The following SECISBP2 variants were observed in gnomAD, a reference collection of about 807,000 sequenced individuals.
SECISBP2 encodes the protein SECIS binding protein 2, also known as selenocysteine insertion sequence-binding protein 2.
A neutral mutation model predicts 98.2 loss-of-function variants in SECISBP2; 96 were observed. The observed-to-expected ratio is 0.98, with a 90% confidence interval of 0.83 to 1.16. The LOEUF is 1.16. SECISBP2 is among the 50% of genes most tolerant of loss of function. The probability of loss-of-function intolerance (pLI) is 0.00; values close to 1 mark genes in which losing one functional copy is unlikely to be tolerated. For missense variants in SECISBP2, 1,046 were observed against 1,022.9 expected (o/e 1.02, Z -0.31); for synonymous variants, 407 against 370.2 (o/e 1.10, Z -1.14).
At chr9:89,322,100 C>T (rs1825916101) in intron 2 of SECISBP2, 1 of 152,192 alleles carries the variant, frequency 6.6e-6, no homozygotes, top group African/African-American at 2.4e-5. Context: ...ACAGTGCACT[C>T]AAAGATGCTC....
intron 2 of SECISBP2, among the ~76,000 whole-genome samples, chr9:89,320,866 C>G (rs1330474607): frequency 6.6e-6 from 1 of 152,118 alleles, no homozygotes; most frequent in Non-Finnish European, 1.5e-5. Context: ...TCTAAGAATC[C>G]TAATGCTTTT....
intron 14 of SECISBP2, chr9:89,354,907 G>A (rs1296569594): frequency 2.0e-6 from 2 of 985,304 alleles, no homozygotes; most frequent in East Asian, 2.3e-4. Context: ...TTCACTGTAA[G>A]TATACCTCAG....
chr9:89,352,796 T>C (rs1831481078), intron 14 of SECISBP2, among the ~76,000 whole-genome samples: 1 of 152,178 alleles, frequency 6.6e-6, no homozygotes, highest in East Asian at 1.9e-4. Flanking sequence ...ACTTCTGATA[T>C]TATTTTTATT....
chr9:89,341,773 C>T lies in SECISBP2; in HGVS notation c.1435+294C>T, dbSNP rs191440561. 1.1e-4 allele frequency among the ~76,000 whole-genome samples: 17 copies of T among 152,308 alleles called. No homozygotes were observed. In the East Asian group the frequency reaches 3.3e-3, roughly 29 times the overall value. On this transcript the variant is annotated intron_variant, in intron 10 of 16. Coordinates refer to ENST00000375807, the MANE Select transcript of SECISBP2 (RefSeq NM_024077.5). ...CACATGCTAAAGAATAGTCATACCT[C>T]CTACCTCACACCATAGATCCAAATG...
At chr9:89,327,950 C>G (rs1466295064) in intron 4 of SECISBP2, among the ~76,000 whole-genome samples, 1 of 152,000 alleles carries the variant, frequency 6.6e-6, no homozygotes, top group African/African-American at 2.4e-5. Context: ...AGCTAGGGGG[C>G]ATGCGCCCCC....
intron 5 of SECISBP2, among the ~76,000 whole-genome samples, chr9:89,332,406 G>C (rs1413263825): frequency 6.6e-6 from 1 of 152,206 alleles, no homozygotes; most frequent in African/African-American, 2.4e-5. Flanking sequence ...ATAATGATGT[G>C]TGTCTACCAT....
At chr9:89,328,478 TG>T (rs1827158114) in intron 4 of SECISBP2, among the ~76,000 whole-genome samples, 181 bp from the exon 5 acceptor site, 1 of 152,238 alleles carries the variant, frequency 6.6e-6, no homozygotes, top group African/African-American at 2.4e-5. Flanking sequence ...TTGATACTTA[TG>T]GTCATTTAAA....
At chr9:89,340,774 C>T (rs997793239) in intron 9 of SECISBP2, among the ~76,000 whole-genome samples, 1 of 152,180 alleles carries the variant, frequency 6.6e-6, no homozygotes, top group African/African-American at 2.4e-5. Flanking sequence ...CAGGACATAC[C>T]ACTGGGCTTC....
Position 89,358,725 on chromosome 9 carries a change from AATCTGGAAAAAAC to A in SECISBP2, c.2475_2487del (p.Lys826HisfsTer9), listed in dbSNP as rs1564460800. ...CGTGCTGTTTTCTCATTTTAGTTGA[AATCTGGAAAAAAC>A]ATCTGGAAGCATACAGTGGATGTAC... On this transcript the variant is annotated frameshift_variant, in exon 17 of 17. Transcript: ENST00000375807. LOFTEE classifies it high-confidence loss of function. The A allele has an allele frequency of 2.5e-6, 4 of 1,610,644 alleles. No homozygotes were observed. Among genetic ancestry groups the A allele is most frequent in the Non-Finnish European group, 3.4e-6 (4 of 1,176,790 alleles).
At chr9:89,325,704 C>T (rs767393276) in intron 3 of SECISBP2, 28 bp downstream of exon 3, 1 of 1,613,686 alleles carries the variant, frequency 6.2e-7, no homozygotes, top group Non-Finnish European at 8.5e-7. Context: ...TTTGTTGTGT[C>T]CTTTAGTTGG....
At chr9:89,336,468 C>T (rs541981430) in intron 7 of SECISBP2, among the ~76,000 whole-genome samples, 102 of 151,964 alleles carry the variant, frequency 6.7e-4, no homozygotes, top group African/African-American at 1.9e-3. Context: ...CCTTGTTTAG[C>T]GTAATGGTTT....
At position 89,350,633 on chromosome 9, in the gene SECISBP2, T is replaced by G; in HGVS notation, c.1894T>G (p.Tyr632Asp). 1 of 1,613,778 alleles carries G rather than the reference T, an allele frequency of 6.2e-7. No individual in the cohort carries two copies. Among genetic ancestry groups the G allele is most frequent in the Non-Finnish European group, 8.5e-7 (1 of 1,179,662 alleles). Residue 632 changes from tyrosine to aspartate, a missense_variant and splice_region_variant, in exon 14 of 17, where the codon TAC becomes GAC. Tyr to Asp is a radical substitution (Grantham distance 160). Coordinates refer to ENST00000375807, the MANE Select transcript of SECISBP2 (RefSeq NM_024077.5). ...PKIHSRRFRD[Y>D]CSQMLSKEVD... ...CCTGATGTCTGATGTTTCTTTCAGT[T>G]ACTGCAGCCAGATGCTTAGTAAAGA...
At chr9:89,365,243 G>C in the SECISBP2 span, 1 of 152,492 alleles carries the variant, frequency 6.6e-6, no homozygotes, top group Non-Finnish European at 1.5e-5. Flanking sequence ...GGGCAGGTGA[G>C]GGGGTGCAGG....
chr9:89,354,665 C>G (rs1831793564), intron 14 of SECISBP2: 1 of 454,434 alleles, frequency 2.2e-6, no homozygotes, highest in African/African-American at 2.1e-5. Flanking sequence ...GGTGGGAACC[C>G]TCCCAAAATC....
chr9:89,347,109 T>G, intron 11 of SECISBP2, 61 bp downstream of exon 11: 1 of 1,539,072 alleles, frequency 6.5e-7, no homozygotes, highest in Non-Finnish European at 8.9e-7. Context: ...ATTTCCATAG[T>G]TATTCTCCCA....
Position 89,318,573 on chromosome 9 carries a change from CG to C in SECISBP2, c.-2del, listed in dbSNP as rs1564292443. ...GTGACGCGGCCTCCTCCGCGCCTCG[CG>C]GCATGGCGTCGGAGGGGCCGCGGGA... On this transcript the variant is annotated 5_prime_UTR_variant, in exon 1 of 17. Transcript: ENST00000375807. 1 of 1,501,076 alleles carries C rather than the reference CG, an allele frequency of 6.7e-7. No homozygotes were observed. The highest frequency in any genetic ancestry group is 2.1e-5 in the Admixed American group (1 of 47,308). 93.0% of individuals were successfully genotyped at this position (1,501,076 alleles called of 1,614,324 possible).
At chr9:89,354,470 T>G (rs978572036) in intron 14 of SECISBP2, among the ~76,000 whole-genome samples, 6 of 152,114 alleles carry the variant, frequency 3.9e-5, no homozygotes, top group African/African-American at 1.4e-4. Context: ...CCGTGGGAAG[T>G]GTTGTCTACC....
chr9:89,319,871 C>T (rs1411725060), intron 2 of SECISBP2, 74 bp downstream of exon 2: 3 of 1,478,900 alleles, frequency 2.0e-6, no homozygotes, highest in East Asian at 2.3e-5. Context: ...TTCAAATACT[C>T]AGCAGTTACT....
chr9:89,362,237 C>A (rs943129554), downstream of SECISBP2: 5 of 1,209,234 alleles, frequency 4.1e-6, no homozygotes, highest in South Asian at 6.5e-5. Context: ...CTCCACTGTC[C>A]CGCCTCTGCC....
Sources: allele counts gnomAD v4.1 joint callset (sites outside exome capture counted in the v4.1 genomes callset), GRCh38; gene constraint gnomAD v4.1.1; transcripts MANE v1.5; gene names NCBI Gene and HGNC (gene_info 2026-07-23, HGNC 2026-07-21).